Variants in PRRC2A observed in about 807,000 individuals in gnomAD.
PRRC2A encodes proline rich coiled-coil 2A.
A neutral mutation model predicts 224.6 loss-of-function variants in PRRC2A; 59 were observed. That is an observed-to-expected ratio of 0.26 (90% CI 0.21 to 0.33). The LOEUF is 0.33. PRRC2A is among the 10% of genes least tolerant of loss of function. The pLI, the probability that PRRC2A is intolerant of heterozygous loss-of-function variation, is 1.00. For synonymous variants in PRRC2A, 1,194 were observed against 1,109.5 expected (o/e 1.08, Z -1.51); for missense variants, 3,095 against 2,880.7 (o/e 1.07, Z -1.70).
Position 31,636,646 on chromosome 6 carries a change from C to A in PRRC2A, c.5934+38C>A, listed in dbSNP as rs1777385064. On this transcript the variant is annotated intron_variant, in intron 27 of 30. Coordinates refer to ENST00000376033, the MANE Select transcript of PRRC2A (RefSeq NM_004638.4). The surrounding 1 kb of genome is among the most constrained non-coding windows in gnomAD (Gnocchi z 4.3). ...TTCACACTTCCCCTTCATTTGATTT[C>A]TCTGTCCAGTTGCTGGCTTTGATTT... 4 of 1,590,236 alleles carry A rather than the reference C, an allele frequency of 2.5e-6. No homozygotes were observed. Among genetic ancestry groups the A allele is most frequent in the South Asian group, 1.1e-5 (1 of 88,842 alleles).
At position 31,636,215 on chromosome 6, in the gene PRRC2A, G is replaced by T; in HGVS notation, c.5631G>T (p.Gln1877His). The change falls in exon 26 of 31, where the codon CAG (glutamine) becomes CAT (histidine). Residue 1877 changes from glutamine to histidine, a missense_variant. Gln to His is a conservative substitution (Grantham distance 24, BLOSUM62 0). Around this residue, in one of 8 missense-constraint regions of PRRC2A, gnomAD observed 662 missense variants for 609.5 expected, o/e 1.09. Transcript: ENST00000376033. This position sits in a 1 kb window ranked among gnomAD's most constrained non-coding sequence, Gnocchi z 4.3. Reference sequence around the variant, plus strand: ...CCCCACAATTTATTTTCAGATCACAGCCCCTATACCTACCCCCCGGCCCAG... The same window carrying T: ...CCCCACAATTTATTTTCAGATCACATCCCCTATACCTACCCCCCGGCCCAG... ...GTPSLHPYRS[Q>H]PLYLPPGPAP... 6.2e-7 allele frequency: 1 copy of T among 1,612,280 alleles called. No individual in the cohort carries two copies. The highest frequency in any genetic ancestry group is 8.5e-7 in the Non-Finnish European group (1 of 1,178,916).
intron 5 of PRRC2A, chr6:31,624,960 G>T: frequency 1.7e-6 from 1 of 599,636 alleles, no homozygotes; most frequent in Non-Finnish European, 2.9e-6. Context: ...AACACACCCA[G>T]CTAATTTTTT....
At chr6:31,626,460 G>C (rs891764823) in intron 9 of PRRC2A, among the ~76,000 whole-genome samples, 3 of 152,074 alleles carry the variant, frequency 2.0e-5, no homozygotes, top group Middle Eastern at 3.2e-3. Context: ...TGGAGGTTGT[G>C]GTGGGAGGAT....
chr6:31,624,947 G>T, intron 5 of PRRC2A: 1 of 579,952 alleles, frequency 1.7e-6, no homozygotes, highest in South Asian at 2.1e-5. Flanking sequence ...ACAGGCACAC[G>T]CCAACACACC....
Position 31,632,285 on chromosome 6 carries a change from A to G in PRRC2A, c.3612A>G (p.Pro1204=). The G allele has an allele frequency of 6.2e-7, 1 of 1,613,090 alleles. No homozygotes were observed. Among genetic ancestry groups the G allele is most frequent in the South Asian group, 1.1e-5 (1 of 91,086 alleles). The change falls in exon 16 of 31, where the codon CCA becomes CCG. Residue 1204 remains proline (P), a synonymous_variant. Transcript: ENST00000376033. ...PKKPPTGPLP[P]SKEPLKEKLI... ...AACCTCCCACAGGCCCTTTGCCACCAAGTAAGGAGCCTTTGAAAGAGAAGT... is the reference window on the plus strand; with the variant it reads ...AACCTCCCACAGGCCCTTTGCCACCGAGTAAGGAGCCTTTGAAAGAGAAGT...
chr6:31,631,378 C>T lies in PRRC2A; in HGVS notation c.2705C>T (p.Pro902Leu), dbSNP rs1776545911. 5 of 1,605,312 alleles carry T rather than the reference C, an allele frequency of 3.1e-6. No individual in the cohort carries two copies. The highest frequency in any genetic ancestry group is 4.2e-6 in the Non-Finnish European group (5 of 1,176,956). Residue 902 changes from proline (P) to leucine (L), a missense_variant, in exon 16 of 31, where the codon CCT becomes CTT. This residue lies in a region of PRRC2A where 2,001 missense variants were observed against 1,764.9 expected (regional missense o/e 1.13). Transcript: ENST00000376033. The surrounding 1 kb of genome is among the most constrained non-coding windows in gnomAD (Gnocchi z 4.5). ...QLTGPEAGRK[P>L]ARGVGSGGQG... The stretch of plus-strand genomic sequence containing the variant: ...ACGGGGCCAGAAGCAGGCCGAAAGC[C>T]TGCCCGCGGAGTCGGGAGTGGAGGC...
At position 31,627,878 on chromosome 6, in the gene PRRC2A, G is replaced by A. The variant is rs528664348; in HGVS notation, c.1404G>A (p.Arg468=). ...SEISLAVERA[R]RRREEEERRM... ...TTTCCCTGGCAGTGGAGCGGGCCCGGCGACGGCGAGAAGAAGAGGAGCGGC... is the reference window on the plus strand; with the variant it reads ...TTTCCCTGGCAGTGGAGCGGGCCCGACGACGGCGAGAAGAAGAGGAGCGGC... Residue 468 remains arginine (R), a synonymous_variant, in exon 12 of 31, where the codon CGG becomes CGA. Transcript: ENST00000376033. This position sits in a 1 kb window ranked among gnomAD's most constrained non-coding sequence, Gnocchi z 5.6. The A allele has an allele frequency of 6.8e-6, 11 of 1,613,058 alleles. No individual in the cohort carries two copies. Among genetic ancestry groups the A allele is most frequent in the Non-Finnish European group, 9.3e-6 (11 of 1,180,042 alleles).
At position 31,637,117 on chromosome 6, in the gene PRRC2A, C is replaced by T. The variant is rs34137317; in HGVS notation, c.6223C>T (p.Arg2075Trp). The change falls in exon 29 of 31, where the codon CGG becomes TGG. Residue 2075 changes from arginine (R) to tryptophan (W), a missense_variant. This residue lies in a region of PRRC2A where 662 missense variants were observed against 609.5 expected (regional missense o/e 1.09). Transcript: ENST00000376033. ...SSNLGGPGSS[R>W]TPPTGRSFSG... ...CAACCTTGGGGGACCTGGATCATCA[C>T]GGACTCCCCCAACTGGAAGGTGAAA... 0.015 allele frequency: 24,533 copies of T among 1,610,836 alleles called. 229 individuals are homozygous for T. The highest frequency in any genetic ancestry group is 0.018 in the Non-Finnish European group (21,194 of 1,178,750).
chr6:31,627,210 C>T lies in PRRC2A; in HGVS notation c.1290+12C>T, dbSNP rs1408147799. ...CTGGGGACTACCCAGTGAGTGTCTC[C>T]AATAAGGGATTGAGAGGGTCAGCTG... is the stretch of plus-strand genomic sequence containing the variant. On this transcript the variant is annotated intron_variant, in intron 11 of 30. Coordinates refer to ENST00000376033, the MANE Select transcript of PRRC2A (RefSeq NM_004638.4). The surrounding 1 kb of genome is among the most constrained non-coding windows in gnomAD (Gnocchi z 5.6). The T allele has an allele frequency of 6.4e-7, 1 of 1,556,198 alleles. No individual in the cohort carries two copies. The highest frequency in any genetic ancestry group is 8.8e-7 in the Non-Finnish European group (1 of 1,131,602).
At chr6:31,622,587 G>A (rs532970961) in intron 1 of PRRC2A, 103 bp from the exon 2 acceptor site, 2 of 520,262 alleles carry the variant, frequency 3.8e-6, no homozygotes, top group African/African-American at 4.0e-5. Flanking sequence ...GAGAAGAGTG[G>A]GCAGTTTACA....
Position 31,634,336 on chromosome 6 carries a change from C to T in PRRC2A, c.4820C>T (p.Thr1607Ile), listed in dbSNP as rs1334544361. ...AGAGATACAGGCACAGAGGCCCTGACCCCTCACATCTGGAACCGTTTACAT... is the reference window on the plus strand; with the variant it reads ...AGAGATACAGGCACAGAGGCCCTGATCCCTCACATCTGGAACCGTTTACAT... ...ESRDTGTEALTPHIWNRLHTA... is the reference protein window; with the variant it reads ...ESRDTGTEALIPHIWNRLHTA... The change falls in exon 19 of 31, where the codon ACC becomes ATC. Residue 1607 changes from threonine to isoleucine, a missense_variant. By Grantham distance (89) the Thr-to-Ile change is moderately conservative. Around this residue, in one of 8 missense-constraint regions of PRRC2A, gnomAD observed 2,001 missense variants for 1,764.9 expected, o/e 1.13. Transcript: ENST00000376033. 8 of 1,612,962 alleles carry T rather than the reference C, an allele frequency of 5.0e-6. No individual in the cohort carries two copies. The highest frequency in any genetic ancestry group is 2.2e-5 in the East Asian group (1 of 44,884).
Position 31,625,396 on chromosome 6 carries a change from C to G in PRRC2A, c.608-64C>G, listed in dbSNP as rs772363877. 3.1e-6 allele frequency: 5 copies of G among 1,612,056 alleles called. No individual in the cohort carries two copies. The highest frequency in any genetic ancestry group is 2.7e-5 in the African/African-American group (2 of 74,902). On this transcript the variant is annotated intron_variant, in intron 6 of 30. Coordinates refer to ENST00000376033, the MANE Select transcript of PRRC2A (RefSeq NM_004638.4). This position sits in a 1 kb window ranked among gnomAD's most constrained non-coding sequence, Gnocchi z 4.1. ...GGCTTATTCACCTTCCTCCCCATCA[C>G]TTTCAGCTGTGTTCACTTGTCCTCC...
chr6:31,629,619 A>G lies in PRRC2A; in HGVS notation c.2028A>G (p.Pro676=). ...AACAGGGCTCTGCCCCTCCTACCCC[A>G]GTGCCCCCATCACCACCACAGCCTG... ...QHQQGSAPPT[P]VPPSPPQPVT... is the part of the protein sequence containing the mutation. Residue 676 remains proline, a synonymous_variant, in exon 14 of 31, where the codon CCA becomes CCG. Coordinates refer to ENST00000376033, the MANE Select transcript of PRRC2A (RefSeq NM_004638.4). The G allele has an allele frequency of 6.2e-7, 1 of 1,611,894 alleles. No homozygotes were observed.
In PRRC2A at chr6:31,637,505, ACCT is replaced by A. The variant is rs1174828798; in HGVS notation, c.6395_6397del (p.Pro2132del). The A allele has an allele frequency of 9.5e-6, 15 of 1,576,782 alleles. No individual in the cohort carries two copies. Among genetic ancestry groups the A allele is most frequent in the Non-Finnish European group, 1.3e-5 (15 of 1,161,962 alleles). The stretch of plus-strand genomic sequence containing the variant: ...AGCCTTGGGAGCGGACAGGGCCGCC[ACCT>A]CGAGAAGGGCCCTCCCGACGGGCAG... On this transcript the variant is annotated inframe_deletion, in exon 31 of 31. Coordinates refer to ENST00000376033, the MANE Select transcript of PRRC2A (RefSeq NM_004638.4).
chr6:31,637,523 C>A lies in PRRC2A; in HGVS notation c.6411C>A (p.Ser2137=). 6.3e-7 allele frequency: 1 copy of A among 1,585,980 alleles called. No individual in the cohort carries two copies. Among genetic ancestry groups the A allele is most frequent in the African/African-American group, 1.4e-5 (1 of 73,856 alleles). Residue 2137 remains serine, a synonymous_variant, in exon 31 of 31, where the codon TCC becomes TCA. Coordinates refer to ENST00000376033, the MANE Select transcript of PRRC2A (RefSeq NM_004638.4). Reference sequence around the variant, plus strand: ...GGCCGCCACCTCGAGAAGGGCCCTCCCGACGGGCAGAGGAGCCTGGGTCCC... The same window carrying A: ...GGCCGCCACCTCGAGAAGGGCCCTCACGACGGGCAGAGGAGCCTGGGTCCC... ...RTGPPPREGP[S]RRAEEPGSRG... is the part of the protein sequence containing the mutation.
chr6:31,625,896 T>C lies in PRRC2A; in HGVS notation c.839+25T>C. On this transcript the variant is annotated intron_variant, in intron 8 of 30. Transcript: ENST00000376033. This position sits in a 1 kb window ranked among gnomAD's most constrained non-coding sequence, Gnocchi z 4.1. ...GGTGAGCAATCCAGGTCTGGGTTTGTGGCTGGGGGCAGGGGAAGCTTATTG... is the reference window on the plus strand; with the variant it reads ...GGTGAGCAATCCAGGTCTGGGTTTGCGGCTGGGGGCAGGGGAAGCTTATTG... 6.3e-7 allele frequency: 1 copy of C among 1,582,072 alleles called. No individual in the cohort carries two copies. The highest frequency in any genetic ancestry group is 8.7e-7 in the Non-Finnish European group (1 of 1,153,004).
chr6:31,634,654 A>G (rs1777102093), intron 20 of PRRC2A, 97 bp downstream of exon 20: 1 of 1,572,462 alleles, frequency 6.4e-7, no homozygotes, highest in Non-Finnish European at 8.7e-7. Flanking sequence ...CTGTTCTCTC[A>G]CTTGGCTGTC....
At chr6:31,628,361 A>T in intron 12 of PRRC2A, 122 bp downstream of exon 12, 1 of 1,413,208 alleles carries the variant, frequency 7.1e-7, no homozygotes, top group East Asian at 2.5e-5. Flanking sequence ...TTATTGGACT[A>T]TCAGTGATAG....
Position 31,632,698 on chromosome 6 carries a change from C to T in PRRC2A, c.4025C>T (p.Pro1342Leu), listed in dbSNP as rs184064270. The change falls in exon 16 of 31, where the codon CCA becomes CTA. Residue 1342 changes from proline (P) to leucine (L), a missense_variant. By Grantham distance (98) the Pro-to-Leu change is moderately conservative (BLOSUM62 -3). Transcript: ENST00000376033. The stretch of plus-strand genomic sequence containing the variant: ...CGCCGAGGGGACAAAGAGGCACCCC[C>T]ACCAGTACTGCTGACACCCAAGGCT... The part of the protein sequence containing the change: ...SERRGDKEAP[P>L]PVLLTPKAVG... The T allele has an allele frequency of 6.2e-7, 1 of 1,613,124 alleles. No homozygotes were observed. Among genetic ancestry groups the T allele is most frequent in the Admixed American group, 1.7e-5 (1 of 60,034 alleles).
Sources: allele counts gnomAD v4.1 joint callset (sites outside exome capture counted in the v4.1 genomes callset), GRCh38; gene constraint gnomAD v4.1.1; regional missense constraint gnomAD v4.1.1; non-coding constraint Gnocchi (gnomAD v3.1); transcripts MANE v1.5; gene names NCBI Gene and HGNC (gene_info 2026-07-23, HGNC 2026-07-21).